GALNT17: variants seen among roughly 807,000 people sequenced by gnomAD.
The protein encoded by GALNT17 is UDP-GalNAc:polypeptide N-acetylgalactosaminyltransferase-like 3.
A neutral mutation model predicts 63.7 loss-of-function variants in GALNT17; 29 were observed. That is an observed-to-expected ratio of 0.46 (90% CI 0.34 to 0.62). The LOEUF is 0.62. Among genes scored for constraint, GALNT17 ranks in the 20% least tolerant of loss-of-function variants. The pLI, the probability that GALNT17 is intolerant of heterozygous loss-of-function variation, is 0.01. For missense variants in GALNT17, 603 were observed against 799.6 expected (o/e 0.75, Z 2.97); for synonymous variants, 305 against 318.3 (o/e 0.96, Z 0.45).
rs994436663 is a variant in GALNT17 at position 71,237,031 on chromosome 7, G to C, written c.239-98519G>C. Among the ~76,000 whole-genome samples, 7 of 152,242 alleles carry C rather than the reference G, an allele frequency of 4.6e-5. No individual in the cohort carries two copies. The East Asian group carries it at 1.4e-3, about 30-fold the overall frequency. Reference sequence around the variant, plus strand: ...GCCAGAACACCCAGGGAATCTCGTGGCTCCCTGACAATGCACAAACACGCT... The same window carrying C: ...GCCAGAACACCCAGGGAATCTCGTGCCTCCCTGACAATGCACAAACACGCT... On this transcript the variant is annotated intron_variant, in intron 1 of 10. Coordinates refer to ENST00000333538, the MANE Select transcript of GALNT17 (RefSeq NM_022479.3).
At chr7:71,419,973 G>A (rs985882395) in intron 4 of GALNT17, among the ~76,000 whole-genome samples, 4 of 152,212 alleles carry the variant, frequency 2.6e-5, no homozygotes, top group Non-Finnish European at 5.9e-5. Context: ...ATGGGTTGTC[G>A]ACTGTGTGTT....
intron 1 of GALNT17, among the ~76,000 whole-genome samples, chr7:71,133,957 C>G (rs755670014): frequency 6.6e-6 from 1 of 152,210 alleles, no homozygotes; most frequent in Non-Finnish European, 1.5e-5. Flanking sequence ...CTCAAACGAA[C>G]TGCAGATAAT....
intron 3 of GALNT17, among the ~76,000 whole-genome samples, chr7:71,414,237 G>A (rs117163403): frequency 0.077 from 11,681 of 152,026 alleles, 559 homozygotes; most frequent in Middle Eastern, 0.18. Flanking sequence ...GAGAAACTCC[G>A]TCTCAAAACG....
At chr7:71,386,434 G>T (rs981929668) in intron 2 of GALNT17, among the ~76,000 whole-genome samples, 1 of 152,126 alleles carries the variant, frequency 6.6e-6, no homozygotes, top group Non-Finnish European at 1.5e-5. Context: ...ATGCATTAAA[G>T]TGCAGGTACC....
intron 6 of GALNT17, among the ~76,000 whole-genome samples, chr7:71,573,361 TGC>T (rs1789483787): frequency 6.6e-6 from 1 of 151,728 alleles, no homozygotes; most frequent in Non-Finnish European, 1.5e-5. Context: ...GAAGTAGTCT[TGC>T]TCTGTCGCCC....
Position 71,712,643 on chromosome 7 carries a change from C to T in GALNT17, c.*497C>T, listed in dbSNP as rs1584155274. 1 of 156,200 alleles carries T rather than the reference C, an allele frequency of 6.4e-6. No homozygotes were observed. Among genetic ancestry groups the T allele is most frequent in the African/African-American group, 2.4e-5 (1 of 41,512 alleles). 9.7% of individuals were successfully genotyped at this position (156,200 alleles called of 1,614,324 possible). A position where few individuals can be genotyped will look rare whatever the true frequency, so the allele number is the denominator to read the frequency against. On this transcript the variant is annotated 3_prime_UTR_variant, in exon 11 of 11. Coordinates refer to ENST00000333538, the MANE Select transcript of GALNT17 (RefSeq NM_022479.3). The stretch of plus-strand genomic sequence containing the variant: ...GGCACTATTTCCTCCGAGGTTACTT[C>T]TACCCAGATGACACCTGCCTGTTCA...
chr7:71,509,135 T>C (rs576691097), intron 5 of GALNT17, among the ~76,000 whole-genome samples: 1 of 152,342 alleles, frequency 6.6e-6, no homozygotes, highest in South Asian at 2.1e-4. Flanking sequence ...CGAGTACCCA[T>C]CCAACCATTT....
chr7:71,596,124 C>G (rs1055113186), intron 6 of GALNT17, among the ~76,000 whole-genome samples: 3 of 152,076 alleles, frequency 2.0e-5, no homozygotes, highest in Non-Finnish European at 4.4e-5. Flanking sequence ...CTGCAACCTC[C>G]GCCTCCTGGG....
intron 5 of GALNT17, among the ~76,000 whole-genome samples, chr7:71,451,879 G>A (rs1787268377): frequency 1.3e-5 from 2 of 151,806 alleles, no homozygotes; most frequent in African/African-American, 2.4e-5. Flanking sequence ...TTATTTCACC[G>A]AATTGTGGTT....
chr7:71,218,492 A>G (rs1439625557), intron 1 of GALNT17, among the ~76,000 whole-genome samples: 1 of 152,164 alleles, frequency 6.6e-6, no homozygotes, highest in Non-Finnish European at 1.5e-5. Context: ...GAGCAGCAGC[A>G]TGAGTTTTAA....
At chr7:71,262,511 G>T (rs1790403480) in intron 1 of GALNT17, among the ~76,000 whole-genome samples, 1 of 152,022 alleles carries the variant, frequency 6.6e-6, no homozygotes, top group Non-Finnish European at 1.5e-5. Flanking sequence ...GGGTTGAATT[G>T]CATTTTCCCC....
In GALNT17 at chr7:71,275,284, C is replaced by T. The variant is rs182900336; in HGVS notation, c.239-60266C>T. On this transcript the variant is annotated intron_variant, in intron 1 of 10. Coordinates refer to ENST00000333538, the MANE Select transcript of GALNT17 (RefSeq NM_022479.3). ...TGCATACTTCTTAGAAATGCAAATT[C>T]CCAAGATGTAGTGACTCACGCCTGT... Among the ~76,000 whole-genome samples the T allele has an allele frequency of 8.8e-3, 1,338 of 152,200 alleles. 14 individuals carry two copies. Among genetic ancestry groups the T allele is most frequent in the Non-Finnish European group, 0.015 (1,000 of 67,998 alleles).
intron 1 of GALNT17, among the ~76,000 whole-genome samples, chr7:71,290,899 G>C (rs1024415326): frequency 6.6e-6 from 1 of 152,176 alleles, no homozygotes; most frequent in Non-Finnish European, 1.5e-5. Flanking sequence ...TTGGCTCTCT[G>C]CCTCGCTCTG....
At chr7:71,701,791 A>ATGTG (rs551475038) in intron 9 of GALNT17, among the ~76,000 whole-genome samples, 30 of 39,114 alleles carry the variant, frequency 7.7e-4, no homozygotes, top group African/African-American at 1.9e-3. Context: ...GTGTATATAT[A>ATGTG]TGTGTGTGTG....
intron 1 of GALNT17, among the ~76,000 whole-genome samples, chr7:71,157,262 G>A (rs1429125342): frequency 6.6e-6 from 1 of 151,934 alleles, no homozygotes; most frequent in Admixed American, 6.6e-5. Flanking sequence ...AAAATGTTGA[G>A]TTGTCATAAG....
rs116320341 is a variant in GALNT17 at position 71,415,136 on chromosome 7, C to T, written c.590-753C>T. ...CTTCTGCTTTGGCCTCCCGAGTAGCCGGAAGTACAGGTGCACAACACTGCA... is the reference window on the plus strand; with the variant it reads ...CTTCTGCTTTGGCCTCCCGAGTAGCTGGAAGTACAGGTGCACAACACTGCA... On this transcript the variant is annotated intron_variant, in intron 3 of 10. Coordinates refer to ENST00000333538, the MANE Select transcript of GALNT17 (RefSeq NM_022479.3). Among the ~76,000 whole-genome samples the T allele has an allele frequency of 4.0e-3, 610 of 152,170 alleles. 3 individuals carry two copies. The highest frequency in any genetic ancestry group is 0.014 in the African/African-American group (563 of 41,502).
At chr7:71,581,570 G>A (rs79843694) in intron 6 of GALNT17, among the ~76,000 whole-genome samples, 135 of 152,274 alleles carry the variant, frequency 8.9e-4, no homozygotes, top group Non-Finnish European at 1.7e-3. Flanking sequence ...CCTTCAACGC[G>A]TGGGGATTAC....
intron 2 of GALNT17, among the ~76,000 whole-genome samples, chr7:71,373,114 G>C (rs1480599790): frequency 3.3e-5 from 5 of 152,302 alleles, no homozygotes; most frequent in Admixed American, 1.3e-4. Flanking sequence ...CTCAGTGAAA[G>C]GTCAGCGCTT....
At chr7:71,472,628 G>C (rs529041668) in intron 5 of GALNT17, among the ~76,000 whole-genome samples, 1 of 152,360 alleles carries the variant, frequency 6.6e-6, no homozygotes, top group South Asian at 2.1e-4. Context: ...AGAGGTTTCA[G>C]TGAGCCGAGA....
Sources: gnomAD v4.1 joint callset for allele counts (sites outside exome capture counted in the v4.1 genomes callset) on GRCh38, gnomAD v4.1.1 for gene constraint, MANE v1.5 for transcripts, NCBI Gene and HGNC (gene_info 2026-07-23, HGNC 2026-07-21) for gene names.